CD200R1: variants seen among roughly 807,000 people sequenced by gnomAD.
The protein encoded by CD200R1 is cell surface glycoprotein CD200 receptor 1.
CD200R1 carries 30 observed loss-of-function variants against 38.1 expected under a neutral mutation model. That is an observed-to-expected ratio of 0.79 (90% CI 0.59 to 1.07). The LOEUF (loss-of-function observed/expected upper bound fraction) is 1.07. Among genes scored for constraint, CD200R1 ranks in the 50% least tolerant of loss-of-function variants. CD200R1 has a pLI of 0.00. For synonymous variants in CD200R1, 128 were observed against 152.1 expected (o/e 0.84, Z 1.16); for missense variants, 372 against 415.4 (o/e 0.90, Z 0.91).
intron 6 of CD200R1, 74 bp downstream of exon 6, chr3:112,925,011 G>T: frequency 1.2e-6 from 1 of 859,456 alleles, no homozygotes; most frequent in South Asian, 1.4e-5. Flanking sequence ...TACCCAATAC[G>T]GTCAGTTCCA....
Position 112,924,500 on chromosome 3 carries a change from A to G in CD200R1, c.914T>C (p.Val305Ala), listed in dbSNP as rs764450620. Residue 305 changes from valine to alanine, a missense_variant, in exon 7 of 8, where the codon GTT becomes GCT. Physicochemically the swap from Val to Ala is moderately conservative, Grantham distance 64. Transcript: ENST00000308611. ...TTTATCTTATCTTACCTCCTCAACA[A>G]CTGGAGTAGATTCTGTTTTATTCAA... ...YKLNKTESTP[V>A]VEEDEMQPYA... is the part of the protein sequence containing the mutation. 7.5e-7 allele frequency: 1 copy of G among 1,325,124 alleles called. No homozygotes were observed. The highest frequency in any genetic ancestry group is 2.8e-5 in the East Asian group (1 of 36,136). 82.1% of individuals were successfully genotyped at this position (1,325,124 alleles called of 1,614,324 possible). A position where few individuals can be genotyped will look rare whatever the true frequency, so the allele number is the denominator to read the frequency against.
intron 1 of CD200R1, among the ~76,000 whole-genome samples, chr3:112,953,123 G>A (rs1941007920): frequency 6.6e-6 from 1 of 152,168 alleles, no homozygotes; most frequent in Non-Finnish European, 1.5e-5. Context: ...TTGCACTGAA[G>A]TACTTTCCTT....
At chr3:112,968,623 G>A (rs911066943) in intron 1 of CD200R1, among the ~76,000 whole-genome samples, 4 of 152,174 alleles carry the variant, frequency 2.6e-5, no homozygotes, top group African/African-American at 9.7e-5. Context: ...CTACTCTAAT[G>A]GAAAGCCCAC....
At chr3:112,946,049 AAAAGG>A (rs1254293230) in intron 2 of CD200R1, among the ~76,000 whole-genome samples, 3 of 151,080 alleles carry the variant, frequency 2.0e-5, no homozygotes, top group Non-Finnish European at 4.4e-5. Flanking sequence ...AAAAAAAAAA[AAAAGG>A]AGAACGAAAA....
In CD200R1 at chr3:112,934,735, C is replaced by T. The variant is rs373120344; in HGVS notation, c.137-3564G>A. On this transcript the variant is annotated intron_variant, in intron 2 of 7. Transcript: ENST00000308611. Reference sequence around the variant, plus strand: ...ATCCCAGCTACTCAGGAGGCTGAGGCAGGAGAATTGCTTGAACCGGGGAAG... The same window carrying T: ...ATCCCAGCTACTCAGGAGGCTGAGGTAGGAGAATTGCTTGAACCGGGGAAG... Among the ~76,000 whole-genome samples, 172 of 152,180 alleles carry T rather than the reference C, an allele frequency of 1.1e-3. 4 individuals are homozygous for T. The South Asian group carries it at 0.033, about 29-fold the overall frequency.
intron 2 of CD200R1, among the ~76,000 whole-genome samples, chr3:112,935,323 T>A (rs866627474): frequency 6.6e-6 from 1 of 152,206 alleles, no homozygotes; most frequent in African/African-American, 2.4e-5. Context: ...TTCTCCAGAA[T>A]TGACAATATG....
At chr3:112,953,941 T>G (rs1941028540) in intron 1 of CD200R1, among the ~76,000 whole-genome samples, 1 of 152,130 alleles carries the variant, frequency 6.6e-6, no homozygotes, top group Non-Finnish European at 1.5e-5. Flanking sequence ...CTCTATTTTA[T>G]TTATTTATGT....
rs1179235507 is a variant in CD200R1, at chr3:112,929,226, C to T, written c.484G>A (p.Gly162Arg). 1 of 1,614,162 alleles carries T rather than the reference C, an allele frequency of 6.2e-7. No homozygotes were observed. Among genetic ancestry groups the T allele is most frequent in the East Asian group, 2.2e-5 (1 of 44,884 alleles). ...YYRCIMVTPD[G>R]NFHRGYHLQV... Reference sequence around the variant, plus strand: ...AGGTGATATCCACGATGGAAATTCCCATCAGGTGTTACCATTATGCATCTG... The same window carrying T: ...AGGTGATATCCACGATGGAAATTCCTATCAGGTGTTACCATTATGCATCTG... The change falls in exon 4 of 8, where the codon GGG (glycine) becomes AGG (arginine). Residue 162 changes from glycine to arginine, a missense_variant. By Grantham distance (125) the Gly-to-Arg change is moderately radical (BLOSUM62 -2). Coordinates refer to ENST00000308611, the MANE Select transcript of CD200R1 (RefSeq NM_138806.4).
chr3:112,928,450 T>A (rs1475181249), intron 5 of CD200R1, among the ~76,000 whole-genome samples: 3 of 152,112 alleles, frequency 2.0e-5, no homozygotes, highest in Admixed American at 1.3e-4. Flanking sequence ...AAACTAAAAA[T>A]TCATAAAAGC....
chr3:112,936,413 CCCA>C (rs1940582778), intron 2 of CD200R1, among the ~76,000 whole-genome samples: 1 of 152,200 alleles, frequency 6.6e-6, no homozygotes, highest in African/African-American at 2.4e-5. Flanking sequence ...AATTTACACT[CCCA>C]CCAACAGTGT....
At chr3:112,968,199 G>A (rs186146203) in intron 1 of CD200R1, among the ~76,000 whole-genome samples, 1 of 152,204 alleles carries the variant, frequency 6.6e-6, no homozygotes, top group East Asian at 1.9e-4. Flanking sequence ...AAAGAAGAAC[G>A]AAATTTTACT....
chr3:112,954,241 T>C (rs1410885189), intron 1 of CD200R1, among the ~76,000 whole-genome samples: 1 of 152,198 alleles, frequency 6.6e-6, no homozygotes, highest in Non-Finnish European at 1.5e-5. Context: ...TTCCTCCTGT[T>C]ATTGATTTCA....
intron 1 of CD200R1, among the ~76,000 whole-genome samples, chr3:112,948,639 C>A (rs1190327127): frequency 6.6e-6 from 1 of 152,146 alleles, no homozygotes; most frequent in African/African-American, 2.4e-5. Context: ...TGCCGCTCAC[C>A]CCCTGCTGTG....
At chr3:112,953,500 A>G (rs544030183) in intron 1 of CD200R1, among the ~76,000 whole-genome samples, 5 of 152,206 alleles carry the variant, frequency 3.3e-5, no homozygotes, top group East Asian at 1.9e-4. Flanking sequence ...TTCGTCTTCA[A>G]TTTTTGGAAG....
At position 112,956,010 on chromosome 3, in the gene CD200R1, T is replaced by C. The variant is rs147978550; in HGVS notation, c.68-8086A>G. 2.6e-5 allele frequency among the ~76,000 whole-genome samples: 4 copies of C among 152,236 alleles called. No homozygotes were observed. In the East Asian group the frequency reaches 7.7e-4, roughly 29 times the overall value. ...TAGTCTTACTTGGATTGAATCTGAT[T>C]GTAGAGTTTTGATTTTCCTTTACCT... On this transcript the variant is annotated intron_variant, in intron 1 of 7. Coordinates refer to ENST00000308611, the MANE Select transcript of CD200R1 (RefSeq NM_138806.4).
intron 2 of CD200R1, among the ~76,000 whole-genome samples, chr3:112,934,200 G>A (rs1044644432): frequency 9.2e-5 from 14 of 151,824 alleles, no homozygotes; most frequent in Non-Finnish European, 1.5e-5. Flanking sequence ...ATTATCAAAA[G>A]GCAAAGACAA....
chr3:112,927,750 GAACT>G (rs1413849266), intron 5 of CD200R1, among the ~76,000 whole-genome samples: 2 of 152,186 alleles, frequency 1.3e-5, no homozygotes, highest in South Asian at 2.1e-4. Context: ...AGAAAAAATA[GAACT>G]AACAGATTAC....
In CD200R1 at chr3:112,928,960, A is replaced by T. The variant is rs767449985; in HGVS notation, c.625T>A (p.Cys209Ser). 1.2e-6 allele frequency: 2 copies of T among 1,614,028 alleles called. No homozygotes were observed. The highest frequency in any genetic ancestry group is 1.7e-6 in the Non-Finnish European group (2 of 1,179,976). Residue 209 changes from cysteine to serine, a missense_variant, in exon 5 of 8, where the codon TGT (cysteine) becomes AGT (serine). Transcript: ENST00000308611. ...CTCCAGTATTCTTGCTTAGTGGCACAATCGCCCTCTGGGATCCAGGAGATA... is the reference window on the plus strand; with the variant it reads ...CTCCAGTATTCTTGCTTAGTGGCACTATCGCCCTCTGGGATCCAGGAGATA... The part of the protein sequence containing the change: ...AHISWIPEGD[C>S]ATKQEYWSNG...
intron 4 of CD200R1, 25 bp from the exon 5 acceptor site, chr3:112,929,089 A>T (rs1940353422): frequency 2.5e-6 from 4 of 1,612,756 alleles, no homozygotes; most frequent in Non-Finnish European, 3.4e-6. Context: ...GAGGGAAAAA[A>T]ATGCTTCGGT....
Sources: allele counts gnomAD v4.1 joint callset (sites outside exome capture counted in the v4.1 genomes callset), GRCh38; gene constraint gnomAD v4.1.1; transcripts MANE v1.5; gene names NCBI Gene and HGNC (gene_info 2026-07-23, HGNC 2026-07-21).